The following STK38 variants were observed in gnomAD, a reference collection of about 807,000 sequenced individuals.
The protein encoded by STK38 is serine/threonine kinase 38.
STK38 carries 26 observed loss-of-function variants against 59.0 expected under a neutral mutation model. That is an observed-to-expected ratio of 0.44 (90% confidence interval 0.32 to 0.61). The LOEUF is 0.61. STK38 is among the 20% of genes least tolerant of loss of function. The probability of loss-of-function intolerance (pLI) is 0.04; values close to 1 mark genes in which losing one functional copy is unlikely to be tolerated. For missense variants in STK38, 433 were observed against 566.0 expected (o/e 0.76, Z 2.38); for synonymous variants, 175 against 176.6 (o/e 0.99, Z 0.07).
chr6:36,499,297 C>A (rs1478062787), intron 10 of STK38, among the ~76,000 whole-genome samples: 1 of 152,202 alleles, frequency 6.6e-6, no homozygotes, highest in Non-Finnish European at 1.5e-5. Flanking sequence ...ATCACCCCAT[C>A]TTCCCTCCAG....
chr6:36,502,442 C>A (rs949469528), intron 9 of STK38, among the ~76,000 whole-genome samples: 3 of 152,054 alleles, frequency 2.0e-5, no homozygotes, highest in Admixed American at 1.3e-4. Flanking sequence ...GTTGTGTTGT[C>A]CTTTTTCTTA....
Position 36,507,554 on chromosome 6 carries a change from C to CT in STK38, c.717dup (p.Ala240SerfsTer3). On this transcript the variant is annotated frameshift_variant, in exon 8 of 14. Coordinates refer to ENST00000229812, the MANE Select transcript of STK38 (RefSeq NM_007271.4). LOFTEE classifies it high-confidence loss of function. ...TTCCTATAAAATTCTGTCCTATGTG[C>CT]TTTTTTCAGTCCTGTGCAAAGACCA... 1 of 1,614,026 alleles carries CT rather than the reference C, an allele frequency of 6.2e-7. No homozygotes were observed. Among genetic ancestry groups the CT allele is most frequent in the Non-Finnish European group, 8.5e-7 (1 of 1,179,966 alleles).
intron 1 of STK38, among the ~76,000 whole-genome samples, chr6:36,545,289 GAAAAAAAAAA>G (rs58104312): frequency 3.3e-4 from 20 of 60,526 alleles, no homozygotes; most frequent in African/African-American, 9.2e-4. Context: ...ACTCCGTCTG[GAAAAAAAAAA>G]AAAAAAAAAA....
intron 3 of STK38, among the ~76,000 whole-genome samples, chr6:36,524,811 A>C (rs1777471039): frequency 6.6e-6 from 1 of 152,162 alleles, no homozygotes; most frequent in African/African-American, 2.4e-5. Context: ...ATGTGTTCTT[A>C]TCTTTCCCTC....
In STK38 at chr6:36,503,444, GTGTGTT is replaced by G. The variant is rs575250018; in HGVS notation, c.834+3133_834+3138del. On this transcript the variant is annotated intron_variant, in intron 9 of 13. Transcript: ENST00000229812. ...CATATAGCTAAGTGTGTGTGTGTGT[GTGTGTT>G]TGTGTGTGTATGATATATATTTAAA... 2.7e-3 allele frequency among the ~76,000 whole-genome samples: 409 copies of G among 151,588 alleles called. 2 individuals are homozygous for G. The highest frequency in any genetic ancestry group is 9.3e-3 in the African/African-American group (381 of 41,186).
At position 36,510,912 on chromosome 6, in the gene STK38, T is replaced by C. The variant is rs192151762; in HGVS notation, c.670-3310A>G. Among the ~76,000 whole-genome samples the C allele has an allele frequency of 1.4e-4, 22 of 152,344 alleles. 1 individual carries two copies. In the East Asian group the frequency reaches 4.2e-3, roughly 29 times the overall value. The stretch of plus-strand genomic sequence containing the variant: ...AGTACAGATATCTTTCTGGCAGGAA[T>C]GGGCATTAATGCATGTAAGACTCCC... On this transcript the variant is annotated intron_variant, in intron 7 of 13. Coordinates refer to ENST00000229812, the MANE Select transcript of STK38 (RefSeq NM_007271.4).
intron 2 of STK38, among the ~76,000 whole-genome samples, chr6:36,527,211 T>C (rs1200175844): frequency 2.4e-5 from 3 of 123,698 alleles, no homozygotes; most frequent in African/African-American, 6.7e-5. Context: ...AAAAAAAATA[T>C]ATGTATATAT....
intron 2 of STK38, 132 bp from the exon 3 acceptor site, chr6:36,525,774 CA>C (rs1405650935): frequency 2.6e-4 from 166 of 645,206 alleles, no homozygotes; most frequent in Non-Finnish European, 3.0e-4. Flanking sequence ...CTCATTAAAA[CA>C]AAAAAAATTA....
At chr6:36,501,080 G>A (rs1776826660) in intron 9 of STK38, among the ~76,000 whole-genome samples, 1 of 151,762 alleles carries the variant, frequency 6.6e-6, no homozygotes, top group Non-Finnish European at 1.5e-5. Flanking sequence ...AGCCACCATA[G>A]TAGCTAGGAC....
At chr6:36,515,629 T>C (rs1777233009) in intron 6 of STK38, 137 bp from the exon 7 acceptor site, 1 of 1,450,378 alleles carries the variant, frequency 6.9e-7, no homozygotes, top group Admixed American at 2.6e-5. Context: ...ACAGACCTCT[T>C]CTGTGTGCCA....
At chr6:36,532,602 C>A (rs1777693140) in intron 2 of STK38, among the ~76,000 whole-genome samples, 1 of 151,888 alleles carries the variant, frequency 6.6e-6, no homozygotes, top group Admixed American at 6.6e-5. Context: ...GTGGTGAAAC[C>A]CCATCTATAC....
intron 11 of STK38, 94 bp downstream of exon 11, chr6:36,498,269 A>G (rs1457667921): frequency 1.3e-6 from 2 of 1,486,956 alleles, no homozygotes; most frequent in East Asian, 4.5e-5. Flanking sequence ...GAGGAAACAG[A>G]AAGCAGATTC....
intron 7 of STK38, among the ~76,000 whole-genome samples, chr6:36,510,301 T>C (rs1777076887): frequency 1.3e-5 from 2 of 152,246 alleles, no homozygotes; most frequent in East Asian, 1.9e-4. Flanking sequence ...AGGGGGCTAG[T>C]GTGTCAGCAC....
chr6:36,505,185 T>G (rs1184669873), intron 9 of STK38, among the ~76,000 whole-genome samples: 1 of 152,148 alleles, frequency 6.6e-6, no homozygotes, highest in Non-Finnish European at 1.5e-5. Context: ...GTTCTGAAGT[T>G]CCCCAAGTGA....
At chr6:36,532,205 G>A (rs9688840) in intron 2 of STK38, among the ~76,000 whole-genome samples, 1,773 of 151,664 alleles carry the variant, frequency 0.012, 42 homozygotes, top group African/African-American at 0.041. Context: ...AACACTCTGG[G>A]AGGCTAAGGA....
chr6:36,501,476 AAC>A (rs1372692227), intron 9 of STK38, among the ~76,000 whole-genome samples: 1 of 152,200 alleles, frequency 6.6e-6, no homozygotes, highest in African/African-American at 2.4e-5. Context: ...AGAAAAAAGG[AAC>A]AGACAATACA....
chr6:36,521,061 T>G (rs1019838524), intron 5 of STK38, among the ~76,000 whole-genome samples: 60 of 152,380 alleles, frequency 3.9e-4, no homozygotes, highest in African/African-American at 1.4e-3. Flanking sequence ...AGTCTATTCT[T>G]GCTTTTTAAA....
At chr6:36,530,325 G>A (rs1777635458) in intron 2 of STK38, among the ~76,000 whole-genome samples, 1 of 151,964 alleles carries the variant, frequency 6.6e-6, no homozygotes, top group Admixed American at 6.6e-5. Flanking sequence ...GGAAAGGGCT[G>A]TGATTACATC....
At position 36,525,639 on chromosome 6, in the gene STK38, T is replaced by C; in HGVS notation, c.135A>G (p.Gln45=). ...CTTCCATCACCTTTTCTAACTTCTTTTGTCTAAAACAAACAAAAACAAAAG... is the reference window on the plus strand; with the variant it reads ...CTTCCATCACCTTTTCTAACTTCTTCTGTCTAAAACAAACAAAAACAAAAG... ...IAQHEEREMR[Q]KKLEKVMEEE... Residue 45 remains glutamine, a synonymous_variant, in exon 3 of 14, where the codon CAA becomes CAG. Transcript: ENST00000229812. 2 of 1,613,426 alleles carry C rather than the reference T, an allele frequency of 1.2e-6. No individual in the cohort carries two copies. Among genetic ancestry groups the C allele is most frequent in the Middle Eastern group, 1.7e-4 (1 of 6,058 alleles).
Sources: gnomAD v4.1 joint callset for allele counts (sites outside exome capture counted in the v4.1 genomes callset) on GRCh38, gnomAD v4.1.1 for gene constraint, MANE v1.5 for transcripts, NCBI Gene and HGNC (gene_info 2026-07-23, HGNC 2026-07-21) for gene names.